The following ARHGEF12 variants were observed in gnomAD, a reference collection of about 807,000 sequenced individuals.
The protein encoded by ARHGEF12 is Rho guanine nucleotide exchange factor 12.
Under a neutral mutation model 211.2 loss-of-function variants are expected in ARHGEF12, and 66 were observed. The ratio of observed to expected loss-of-function variants is 0.31; its 90% CI spans 0.26 to 0.38. The LOEUF is 0.38. ARHGEF12 is among the 10% of genes least tolerant of loss of function. The pLI is 1.00. For missense variants in ARHGEF12, 1,429 were observed against 1,869.5 expected (o/e 0.76, Z 4.34); for synonymous variants, 592 against 638.4 (o/e 0.93, Z 1.09).
intron 22 of ARHGEF12, chr11:120,456,916 T>G: frequency 2.0e-6 from 1 of 490,406 alleles, no homozygotes; most frequent in Non-Finnish European, 3.6e-6. Context: ...AAGGATCATA[T>G]GAGGCTGAGA....
Position 120,428,205 on chromosome 11 carries a change from A to G in ARHGEF12, c.543A>G (p.Ala181=), listed in dbSNP as rs1264022337. The part of the protein sequence containing the change: ...PIMTSPHSPG[A]SGNMERITSP... ...TGACATCTCCTCATTCACCTGGAGC[A>G]TCTGGGAATATGGAGAGAATCACTA... The change falls in exon 8 of 41, where the codon GCA becomes GCG. Residue 181 remains alanine, a synonymous_variant. Transcript: ENST00000397843. 3.1e-6 allele frequency: 5 copies of G among 1,611,042 alleles called. No homozygotes were observed. The South Asian group carries it at 4.4e-5, about 14-fold the overall frequency.
rs140440860 is a variant in ARHGEF12 at position 120,343,812 on chromosome 11, G to A, written c.32+6537G>A. ...GCTTGTCACACTGCTTTTTCTTTTG[G>A]TGTTATATAACACATTAGAGTCATT... On this transcript the variant is annotated intron_variant, in intron 1 of 40. Transcript: ENST00000397843. 8.3e-4 allele frequency among the ~76,000 whole-genome samples: 126 copies of A among 152,152 alleles called. 1 individual carries two copies. In the East Asian group the frequency reaches 0.016, roughly 20 times the overall value.
Position 120,474,065 on chromosome 11 carries a change from T to G in ARHGEF12, c.3034-495T>G, listed in dbSNP as rs3758693. On this transcript the variant is annotated intron_variant, in intron 31 of 40. Transcript: ENST00000397843. ...TAGAGCTGCTAATACTAAAAGATGA[T>G]TCTCTTACTAATAAGTTGTTAATAT... is the stretch of plus-strand genomic sequence containing the variant. Among the ~76,000 whole-genome samples the G allele has an allele frequency of 9.1e-3, 1,388 of 152,360 alleles. 90 individuals carry two copies. In the South Asian group the frequency reaches 0.16, roughly 18 times the overall value.
At chr11:120,474,693 A>G in intron 32 of ARHGEF12, 58 bp downstream of exon 32, 1 of 1,380,656 alleles carries the variant, frequency 7.2e-7, no homozygotes, top group Non-Finnish European at 1.0e-6. Context: ...AGGAATAGGA[A>G]AGTTTCCTAT....
chr11:120,460,630 A>G, intron 26 of ARHGEF12, 42 bp from the exon 27 acceptor site: 1 of 1,556,730 alleles, frequency 6.4e-7, no homozygotes, highest in South Asian at 1.1e-5. Flanking sequence ...TTCTGTCTAC[A>G]CTGAATGTGT....
chr11:120,445,934 C>A (rs961034140), intron 16 of ARHGEF12, among the ~76,000 whole-genome samples: 2 of 151,362 alleles, frequency 1.3e-5, no homozygotes, highest in African/African-American at 4.9e-5. Context: ...CGCAGTGGCT[C>A]ACGCCTGTAG....
Position 120,459,396 on chromosome 11 carries a change from A to G in ARHGEF12, c.2527+76A>G, listed in dbSNP as rs555303676. ...AGATTGTGAGTTTAAAATTTTGTAAATGTACCCATGTTAGTATTCCTGAGA... is the reference window on the plus strand; with the variant it reads ...AGATTGTGAGTTTAAAATTTTGTAAGTGTACCCATGTTAGTATTCCTGAGA... On this transcript the variant is annotated intron_variant, in intron 26 of 40. Coordinates refer to ENST00000397843, the MANE Select transcript of ARHGEF12 (RefSeq NM_015313.3). 14 of 1,458,018 alleles carry G rather than the reference A, an allele frequency of 9.6e-6. No individual in the cohort carries two copies. In the Admixed American group the frequency reaches 1.9e-4, roughly 20 times the overall value. 90.3% of individuals were successfully genotyped at this position (1,458,018 alleles called of 1,614,324 possible).
intron 1 of ARHGEF12, among the ~76,000 whole-genome samples, chr11:120,361,081 T>G (rs1209832740): frequency 1.3e-5 from 2 of 152,232 alleles, no homozygotes; most frequent in African/African-American, 2.4e-5. Flanking sequence ...CAGTTAATGG[T>G]CAACTTTGTC....
chr11:120,459,397 T>C (rs1946456578), intron 26 of ARHGEF12, 77 bp downstream of exon 26: 2 of 1,458,624 alleles, frequency 1.4e-6, no homozygotes, highest in South Asian at 1.3e-5. Context: ...ATTTTGTAAA[T>C]GTACCCATGT....
chr11:120,451,383 T>A (rs1946208845), intron 21 of ARHGEF12, 129 bp from the exon 22 acceptor site: 2 of 743,532 alleles, frequency 2.7e-6, no homozygotes, highest in Admixed American at 5.4e-5. Context: ...TTCACCATAT[T>A]AGCCAGGATG....
chr11:120,466,784 CA>C (rs1388955627), intron 28 of ARHGEF12, among the ~76,000 whole-genome samples: 1 of 152,212 alleles, frequency 6.6e-6, no homozygotes, highest in Non-Finnish European at 1.5e-5. Flanking sequence ...GATGAGCTGG[CA>C]TACTCGACTG....
chr11:120,410,504 T>G (rs1048865970), intron 4 of ARHGEF12: 2 of 152,130 alleles, frequency 1.3e-5, no homozygotes, highest in African/African-American at 4.8e-5. Context: ...GATAGATGTT[T>G]CCTAGCTTGA....
intron 11 of ARHGEF12, among the ~76,000 whole-genome samples, chr11:120,432,257 A>AT (rs1307118996): frequency 1.3e-5 from 2 of 152,130 alleles, no homozygotes; most frequent in African/African-American, 2.4e-5. Context: ...TTAATATTCC[A>AT]TTTGTGGTCA....
intron 21 of ARHGEF12, chr11:120,450,532 G>C (rs1946179289): frequency 6.6e-6 from 1 of 152,170 alleles, no homozygotes; most frequent in African/African-American, 2.4e-5. Flanking sequence ...GGAAGTTAAA[G>C]AGATGGAGGA....
intron 38 of ARHGEF12, among the ~76,000 whole-genome samples, chr11:120,480,669 TA>T: frequency 6.6e-6 from 1 of 152,062 alleles, no homozygotes. Context: ...CTCATGAAGC[TA>T]GGGGAAAGAA....
chr11:120,412,347 C>T (rs951703497), intron 4 of ARHGEF12, among the ~76,000 whole-genome samples: 1 of 152,170 alleles, frequency 6.6e-6, no homozygotes, highest in African/African-American at 2.4e-5. Context: ...GTTCAGGCCA[C>T]TGTAACAAAA....
chr11:120,472,964 A>T, intron 30 of ARHGEF12, 86 bp from the exon 31 acceptor site: 2 of 1,352,670 alleles, frequency 1.5e-6, no homozygotes, highest in East Asian at 2.3e-5. Context: ...CAAAATGGAG[A>T]TTTTAAATGC....
chr11:120,347,266 CTGTCTGTGTGTGTGTG>C (rs1248455965), intron 1 of ARHGEF12, among the ~76,000 whole-genome samples: 19 of 133,576 alleles, frequency 1.4e-4, no homozygotes, highest in East Asian at 2.1e-4. Context: ...CTCTCTCTCT[CTGTCTGTGTGTGTGTG>C]TGTGTGTGTG....
chr11:120,396,336 C>T (rs1944383323), intron 1 of ARHGEF12, among the ~76,000 whole-genome samples: 1 of 152,120 alleles, frequency 6.6e-6, no homozygotes, highest in South Asian at 2.1e-4. Context: ...GGAGCTTAAT[C>T]CTCTCAGATG....
Sources: allele counts gnomAD v4.1 joint callset (sites outside exome capture counted in the v4.1 genomes callset), GRCh38; gene constraint gnomAD v4.1.1; transcripts MANE v1.5; gene names NCBI Gene and HGNC (gene_info 2026-07-23, HGNC 2026-07-21).